Variants in ARPP21 observed in about 807,000 individuals in gnomAD.
ARPP21 encodes the protein cAMP-regulated phosphoprotein 21.
Under a neutral mutation model 113.2 loss-of-function variants are expected in ARPP21, and 69 were observed. That is an observed-to-expected ratio of 0.61 (90% confidence interval 0.50 to 0.74). The LOEUF is 0.74. Among genes scored for constraint, ARPP21 ranks in the 30% least tolerant of loss-of-function variants. The probability of loss-of-function intolerance (pLI) is 0.00; values close to 1 mark genes in which losing one functional copy is unlikely to be tolerated. For synonymous variants in ARPP21, 368 were observed against 375.5 expected (o/e 0.98, Z 0.23); for missense variants, 1,070 against 1,037.4 (o/e 1.03, Z -0.43).
chr3:35,762,096 C>T (rs913985483), intron 19 of ARPP21, among the ~76,000 whole-genome samples: 5 of 136,078 alleles, frequency 3.7e-5, no homozygotes, highest in African/African-American at 1.5e-4. Context: ...CTCTCTCTCT[C>T]CTCTCTCTCT....
At chr3:35,706,411 C>G (rs993931182) in intron 9 of ARPP21, among the ~76,000 whole-genome samples, 1 of 152,132 alleles carries the variant, frequency 6.6e-6, no homozygotes, top group African/African-American at 2.4e-5. Flanking sequence ...ATTACTGAAC[C>G]GATTTACAAG....
intron 19 of ARPP21, among the ~76,000 whole-genome samples, chr3:35,748,130 G>GA (rs1406723075): frequency 7.9e-4 from 91 of 114,850 alleles, no homozygotes; most frequent in Non-Finnish European, 1.1e-3. Context: ...AGAAAGAAAA[G>GA]AAAGAAAGGG....
chr3:35,751,022 G>A (rs189964125), intron 19 of ARPP21, among the ~76,000 whole-genome samples: 19 of 152,232 alleles, frequency 1.2e-4, no homozygotes, highest in African/African-American at 4.3e-4. Flanking sequence ...GTTTACAAAG[G>A]ACAGTTCAAC....
intron 18 of ARPP21, 28 bp downstream of exon 18, chr3:35,739,605 C>T: frequency 6.3e-7 from 1 of 1,579,360 alleles, no homozygotes; most frequent in South Asian, 1.2e-5. Context: ...TGCCTGTGAC[C>T]TACAGCTGAT....
At chr3:35,716,096 G>A (rs2092355188) in intron 12 of ARPP21, among the ~76,000 whole-genome samples, 2 of 151,946 alleles carry the variant, frequency 1.3e-5, no homozygotes, top group South Asian at 4.1e-4. Context: ...GGTGATAAGA[G>A]CAAAAATTTT....
intron 1 of ARPP21, among the ~76,000 whole-genome samples, chr3:35,654,144 A>G (rs1703717623): frequency 6.6e-6 from 1 of 152,094 alleles, no homozygotes; most frequent in African/African-American, 2.4e-5. Context: ...AAGAGAAAAT[A>G]TTATTTTTTC....
At chr3:35,757,823 T>G (rs1359747185) in intron 19 of ARPP21, among the ~76,000 whole-genome samples, 1 of 152,130 alleles carries the variant, frequency 6.6e-6, no homozygotes, top group Non-Finnish European at 1.5e-5. Flanking sequence ...TTTGGTATTA[T>G]ATTTATTCAA....
intron 1 of ARPP21, among the ~76,000 whole-genome samples, chr3:35,646,583 T>C (rs1700319532): frequency 6.6e-6 from 1 of 152,112 alleles, no homozygotes; most frequent in Non-Finnish European, 1.5e-5. Context: ...GGAACTTTAT[T>C]TTCTTTGTTT....
intron 1 of ARPP21, among the ~76,000 whole-genome samples, chr3:35,665,528 A>G (rs532561492): frequency 8.3e-4 from 127 of 152,324 alleles, no homozygotes; most frequent in African/African-American, 2.7e-3. Context: ...TGAAGTAGTT[A>G]ATAGGTCTTT....
At chr3:35,675,304 T>C (rs995401898) in intron 1 of ARPP21, among the ~76,000 whole-genome samples, 2 of 151,856 alleles carry the variant, frequency 1.3e-5, no homozygotes, top group African/African-American at 4.8e-5. Flanking sequence ...TAAAAATCTT[T>C]GGACTGGTCT....
chr3:35,731,383 C>T (rs2093948239), intron 15 of ARPP21, among the ~76,000 whole-genome samples: 1 of 152,060 alleles, frequency 6.6e-6, no homozygotes, highest in Non-Finnish European at 1.5e-5. Context: ...AAAAGGATCC[C>T]AGCTAAGGAA....
intron 11 of ARPP21, among the ~76,000 whole-genome samples, chr3:35,711,729 T>A (rs1463020775): frequency 1.1e-4 from 16 of 152,164 alleles, no homozygotes; most frequent in Non-Finnish European, 1.5e-5. Context: ...AAGGCCTCAA[T>A]TCTTCACTGG....
At chr3:35,779,487 C>A (rs2096471232) in intron 19 of ARPP21, among the ~76,000 whole-genome samples, 2 of 152,032 alleles carry the variant, frequency 1.3e-5, no homozygotes, top group African/African-American at 2.4e-5. Context: ...TGTCTTACTC[C>A]TCTAAACCTC....
chr3:35,786,333 C>G (rs2096632012), intron 19 of ARPP21, among the ~76,000 whole-genome samples: 1 of 151,980 alleles, frequency 6.6e-6, no homozygotes, highest in African/African-American at 2.4e-5. Flanking sequence ...ACCATCCTGG[C>G]CAACATGGTG....
At chr3:35,738,485 A>C (rs1342337028) in intron 17 of ARPP21, among the ~76,000 whole-genome samples, 167 bp downstream of exon 17, 1 of 152,136 alleles carries the variant, frequency 6.6e-6, no homozygotes, top group South Asian at 2.1e-4. Flanking sequence ...TCTCTGCAAA[A>C]CAATGGTTTC....
At chr3:35,760,019 T>C (rs2095710110) in intron 19 of ARPP21, among the ~76,000 whole-genome samples, 1 of 152,078 alleles carries the variant, frequency 6.6e-6, no homozygotes, top group Non-Finnish European at 1.5e-5. Flanking sequence ...GTTGTAAGAA[T>C]TGCAGTATAC....
chr3:35,659,945 A>G (rs1159966955), intron 1 of ARPP21, among the ~76,000 whole-genome samples: 1 of 152,114 alleles, frequency 6.6e-6, no homozygotes, highest in African/African-American at 2.4e-5. Flanking sequence ...TTCTTGTAAT[A>G]AAAACATCAG....
At chr3:35,696,119 A>T (rs1008682589) in intron 9 of ARPP21, among the ~76,000 whole-genome samples, 5 of 151,562 alleles carry the variant, frequency 3.3e-5, no homozygotes, top group Non-Finnish European at 1.5e-5. Context: ...ATGAGGCTTG[A>T]TGTGTATAAC....
chr3:35,790,982 C>T (rs929208686), intron 19 of ARPP21, among the ~76,000 whole-genome samples: 2 of 152,120 alleles, frequency 1.3e-5, no homozygotes, highest in African/African-American at 2.4e-5. Context: ...TTGGCCTTTT[C>T]CCAAGCTTGC....
Sources: allele counts gnomAD v4.1 joint callset (sites outside exome capture counted in the v4.1 genomes callset), GRCh38; gene constraint gnomAD v4.1.1; transcripts MANE v1.5; gene names NCBI Gene and HGNC (gene_info 2026-07-23, HGNC 2026-07-21).